The following GRAP2 variants were observed in gnomAD, a reference collection of about 807,000 sequenced individuals.
The protein encoded by GRAP2 is GRB2 related adaptor protein 2.
In GRAP2, 31 loss-of-function variants were observed where a neutral mutation model predicts 43.5. That is an observed-to-expected ratio of 0.71 (90% CI 0.54 to 0.96). The LOEUF (loss-of-function observed/expected upper bound fraction) is 0.96, where lower values mean the gene tolerates loss of function less well. Ranked by LOEUF, GRAP2 falls within the 40% of genes least tolerant of loss-of-function variation. The probability of loss-of-function intolerance (pLI) is 0.00; values close to 1 mark genes in which losing one functional copy is unlikely to be tolerated. For missense variants in GRAP2, 371 were observed against 424.4 expected, an observed-to-expected ratio of 0.87 and a Z score of 1.11; for synonymous variants, 156 against 164.8, an observed-to-expected ratio of 0.95 and a Z score of 0.41.
chr22:39,972,429 G>C lies in GRAP2; in HGVS notation c.*1345G>C, dbSNP rs2067255169. On this transcript the variant is annotated 3_prime_UTR_variant, in exon 8 of 8. Transcript: ENST00000344138. ...TGCACTCCTGTGTGTATACATGTGT[G>C]CTTGTGTATGCATATGTGTGCATTC... 6.6e-6 allele frequency: 1 copy of C among 152,324 alleles called. No individual in the cohort carries two copies. Among genetic ancestry groups the C allele is most frequent in the African/African-American group, 2.4e-5 (1 of 41,456 alleles). 9.4% of individuals were successfully genotyped at this position (152,324 alleles called of 1,614,324 possible).
At chr22:39,953,691 C>G (rs1453183289) in intron 2 of GRAP2, among the ~76,000 whole-genome samples, 1 of 152,230 alleles carries the variant, frequency 6.6e-6, no homozygotes, top group Non-Finnish European at 1.5e-5. Context: ...CTCACTACAG[C>G]CTTTAACTCC....
At chr22:39,924,246 T>C (rs1043129210) in intron 1 of GRAP2, among the ~76,000 whole-genome samples, 9 of 152,170 alleles carry the variant, frequency 5.9e-5, no homozygotes, top group African/African-American at 2.2e-4. Context: ...GCGGGAGAAA[T>C]GTTTCACATT....
chr22:39,959,957 C>G (rs892629078), intron 3 of GRAP2, 98 bp from the exon 4 acceptor site: 30 of 1,094,626 alleles, frequency 2.7e-5, no homozygotes, highest in Non-Finnish European at 3.9e-5. Flanking sequence ...TGTACAGAGT[C>G]CCCAGCCTCT....
At chr22:39,967,318 C>T (rs552269263) in intron 5 of GRAP2, among the ~76,000 whole-genome samples, 24 of 152,172 alleles carry the variant, frequency 1.6e-4, no homozygotes, top group Admixed American at 5.2e-4. Context: ...AACCAGGAAA[C>T]GGACAGAGGT....
the GRAP2 span, among the ~76,000 whole-genome samples, chr22:39,894,900 A>G: frequency 6.6e-6 from 1 of 152,232 alleles, no homozygotes; most frequent in Non-Finnish European, 1.5e-5. Flanking sequence ...CAGGTTTCAC[A>G]GAAGAGTTTA....
In GRAP2 at chr22:39,965,881, A is replaced by G. The variant is rs1445700767; in HGVS notation, c.291-109A>G. 4.3e-6 allele frequency: 4 copies of G among 935,706 alleles called. No homozygotes were observed. In the African/African-American group the frequency reaches 4.9e-5, roughly 11 times the overall value. 58.0% of individuals were successfully genotyped at this position (935,706 alleles called of 1,614,324 possible). ...GCCCAGTGATGAGTGAGTCATCCAT[A>G]TCTACATCTCCTGCTCAAAGAGAAC... On this transcript the variant is annotated intron_variant, in intron 4 of 7. Coordinates refer to ENST00000344138, the MANE Select transcript of GRAP2 (RefSeq NM_004810.4).
chr22:39,908,940 G>A (rs954784772), intron 1 of GRAP2, among the ~76,000 whole-genome samples: 5 of 152,146 alleles, frequency 3.3e-5, no homozygotes, highest in Admixed American at 6.5e-5. Flanking sequence ...CTTGGCTCCC[G>A]TATCCTGTGT....
At chr22:39,933,130 G>C (rs376089032) in intron 1 of GRAP2, among the ~76,000 whole-genome samples, 1 of 139,102 alleles carries the variant, frequency 7.2e-6, no homozygotes, top group Non-Finnish European at 1.5e-5. Flanking sequence ...ATTAGACCCG[G>C]TGCCTTTGTT....
chr22:39,948,661 A>T lies in GRAP2; in HGVS notation c.78+1477A>T, dbSNP rs374221741. 3.3e-5 allele frequency among the ~76,000 whole-genome samples: 5 copies of T among 151,322 alleles called. No homozygotes were observed. In the East Asian group the frequency reaches 7.8e-4, roughly 24 times the overall value. On this transcript the variant is annotated intron_variant, in intron 2 of 7. Coordinates refer to ENST00000344138, the MANE Select transcript of GRAP2 (RefSeq NM_004810.4). ...TTCCTCACTTCCCACTCATTCCACA[A>T]CTCTCTGGAATCTGCCTTTTACCCT...
At chr22:39,914,875 C>T (rs554461602) in intron 1 of GRAP2, among the ~76,000 whole-genome samples, 2 of 152,042 alleles carry the variant, frequency 1.3e-5, no homozygotes, top group South Asian at 2.1e-4. Flanking sequence ...GTCTTTTGCC[C>T]CACAACCTTA....
At chr22:39,918,418 A>T (rs2145585010) in intron 1 of GRAP2, among the ~76,000 whole-genome samples, 1 of 152,294 alleles carries the variant, frequency 6.6e-6, no homozygotes, top group South Asian at 2.1e-4. Flanking sequence ...CCATCAGGAG[A>T]GGGCTTGCCT....
In GRAP2 at chr22:39,961,383, G is replaced by A. The variant is rs551993566; in HGVS notation, c.290+1209G>A. Among the ~76,000 whole-genome samples the A allele has an allele frequency of 8.5e-4, 129 of 152,288 alleles. 1 individual carries two copies. The highest frequency in any genetic ancestry group is 2.9e-3 in the African/African-American group (121 of 41,556). On this transcript the variant is annotated intron_variant, in intron 4 of 7. Transcript: ENST00000344138. The stretch of plus-strand genomic sequence containing the variant: ...GAAACCTTCCCATCTCCTTTGGTTC[G>A]AAGCACTCAGCATGCCAAGGGGTGT...
intron 1 of GRAP2, among the ~76,000 whole-genome samples, chr22:39,940,887 A>T (rs191688592): frequency 2.2e-4 from 34 of 152,266 alleles, no homozygotes; most frequent in Non-Finnish European, 3.5e-4. Context: ...CAATCACCGA[A>T]CCTGTCTAGT....
chr22:39,945,706 G>A (rs1291758291), intron 1 of GRAP2, among the ~76,000 whole-genome samples: 2 of 152,212 alleles, frequency 1.3e-5, no homozygotes, highest in Non-Finnish European at 2.9e-5. Flanking sequence ...AAATTTCAAT[G>A]AGAAAAGTTC....
chr22:39,926,430 T>C (rs1232059585), intron 1 of GRAP2, among the ~76,000 whole-genome samples: 2 of 147,808 alleles, frequency 1.4e-5, no homozygotes, highest in East Asian at 4.0e-4. Context: ...GTCCCTGAAA[T>C]TTACAAAGAA....
intron 1 of GRAP2, among the ~76,000 whole-genome samples, chr22:39,918,839 T>C (rs996960030): frequency 1.3e-5 from 2 of 152,210 alleles, no homozygotes; most frequent in African/African-American, 2.4e-5. Flanking sequence ...GCACAAAGTC[T>C]GAGAGGTAAA....
At chr22:39,936,855 C>G (rs1481228997) in intron 1 of GRAP2, among the ~76,000 whole-genome samples, 2 of 152,150 alleles carry the variant, frequency 1.3e-5, no homozygotes, top group African/African-American at 4.8e-5. Context: ...CAGTCTTTAC[C>G]TCTTTGACCA....
chr22:39,947,296 A>C (rs2066933179), intron 2 of GRAP2, 112 bp downstream of exon 2: 1 of 746,932 alleles, frequency 1.3e-6, no homozygotes, highest in Admixed American at 1.8e-5. Context: ...TAAAAAGAGA[A>C]GTTCACCTTG....
At chr22:39,963,249 G>T (rs1411955101) in intron 4 of GRAP2, among the ~76,000 whole-genome samples, 1 of 152,124 alleles carries the variant, frequency 6.6e-6, no homozygotes, top group Non-Finnish European at 1.5e-5. Context: ...CCAGATTTTG[G>T]AGTCCAGCGC....
Sources: allele counts gnomAD v4.1 joint callset (sites outside exome capture counted in the v4.1 genomes callset), GRCh38; gene constraint gnomAD v4.1.1; transcripts MANE v1.5; gene names NCBI Gene and HGNC (gene_info 2026-07-23, HGNC 2026-07-21).